Variants in SCAI observed in about 807,000 individuals in gnomAD.
The protein encoded by SCAI is suppressor of cancer cell invasion, also known as protein SCAI.
A neutral mutation model predicts 92.2 loss-of-function variants in SCAI; 24 were observed. The ratio of observed to expected loss-of-function variants is 0.26; its 90% CI spans 0.19 to 0.37. The LOEUF (loss-of-function observed/expected upper bound fraction) is 0.37. SCAI is among the 10% of genes least tolerant of loss of function. The pLI, the probability that SCAI is intolerant of heterozygous loss-of-function variation, is 1.00. For synonymous variants in SCAI, 261 were observed against 258.6 expected (o/e 1.01, Z -0.09); for missense variants, 450 against 736.2 (o/e 0.61, Z 4.50).
In SCAI at chr9:125,010,207, G is replaced by A. The variant is rs1045444253; in HGVS notation, c.862-6637C>T. Among the ~76,000 whole-genome samples, 9 of 152,324 alleles carry A rather than the reference G, an allele frequency of 5.9e-5. No individual in the cohort carries two copies. In the East Asian group the frequency reaches 1.2e-3, roughly 20 times the overall value. ...GGACAGTGGGTGCAGCGCACCGTGC[G>A]CGAGCCGAAGCAGGGCAAGGCATTG... On this transcript the variant is annotated intron_variant, in intron 9 of 17. Coordinates refer to ENST00000336505, the MANE Select transcript of SCAI (RefSeq NM_001144877.3).
intron 2 of SCAI, among the ~76,000 whole-genome samples, chr9:125,141,589 T>C (rs1485643840): frequency 6.6e-6 from 1 of 152,248 alleles, no homozygotes; most frequent in Admixed American, 6.5e-5. Context: ...GCTTCTATTT[T>C]CCTAAGGTTC....
intron 14 of SCAI, among the ~76,000 whole-genome samples, chr9:124,978,100 AG>A (rs779267365): frequency 3.3e-5 from 5 of 152,200 alleles, no homozygotes; most frequent in Non-Finnish European, 7.3e-5. Flanking sequence ...AATGAACTGA[AG>A]AAAATATCTG....
intron 3 of SCAI, among the ~76,000 whole-genome samples, chr9:125,037,425 AAAGAAAAGAAAG>A (rs1833222278): frequency 6.6e-6 from 1 of 152,042 alleles, no homozygotes. Context: ...AAAAAAAAGA[AAAGAAAAGAAAG>A]AAGAAAAAAA....
chr9:125,007,720 C>T (rs926868005), intron 9 of SCAI, among the ~76,000 whole-genome samples: 6 of 151,788 alleles, frequency 4.0e-5, no homozygotes, highest in African/African-American at 1.5e-4. Context: ...GTGTGTGGCA[C>T]AATCATGGCT....
At chr9:125,044,229 TG>T (rs1167036615) in intron 3 of SCAI, among the ~76,000 whole-genome samples, 2 of 152,100 alleles carry the variant, frequency 1.3e-5, no homozygotes, top group Admixed American at 1.3e-4. Flanking sequence ...CAGTTCTGGT[TG>T]AAGTCCATGG....
At chr9:125,056,810 C>G (rs901690162) in intron 2 of SCAI, among the ~76,000 whole-genome samples, 6 of 152,152 alleles carry the variant, frequency 3.9e-5, no homozygotes, top group African/African-American at 1.4e-4. Context: ...GCACTCTACC[C>G]AATCACTAAC....
chr9:125,051,855 G>C (rs888131359), intron 3 of SCAI, among the ~76,000 whole-genome samples: 1 of 152,144 alleles, frequency 6.6e-6, no homozygotes, highest in Non-Finnish European at 1.5e-5. Flanking sequence ...GATCACTTGA[G>C]GTTAGGAGTT....
intron 2 of SCAI, among the ~76,000 whole-genome samples, chr9:125,117,632 C>T (rs992656723): frequency 7.1e-6 from 1 of 141,622 alleles, no homozygotes; most frequent in Admixed American, 7.5e-5. Flanking sequence ...CACCACTGCA[C>T]TCCAGTCTGG....
At chr9:125,098,221 A>T (rs1307493835) in intron 2 of SCAI, among the ~76,000 whole-genome samples, 1 of 150,924 alleles carries the variant, frequency 6.6e-6, no homozygotes, top group African/African-American at 2.4e-5. Flanking sequence ...CACCTGGATA[A>T]TTTTTTTTTA....
At chr9:125,048,911 A>T (rs927875350) in intron 3 of SCAI, among the ~76,000 whole-genome samples, 1 of 151,670 alleles carries the variant, frequency 6.6e-6, no homozygotes, top group Non-Finnish European at 1.5e-5. Flanking sequence ...ACGCCCGGCT[A>T]ATTTTGTATT....
intron 2 of SCAI, among the ~76,000 whole-genome samples, chr9:125,082,521 T>C (rs1834242143): frequency 6.6e-6 from 1 of 152,116 alleles, no homozygotes; most frequent in African/African-American, 2.4e-5. Context: ...CCCAGAATGG[T>C]AGATACACTG....
intron 6 of SCAI, among the ~76,000 whole-genome samples, chr9:125,025,738 C>T (rs1377400590): frequency 6.6e-6 from 1 of 152,134 alleles, no homozygotes; most frequent in Admixed American, 6.5e-5. Context: ...GCCATGCAAA[C>T]GCCCCTAGAC....
Position 124,954,800 on chromosome 9 carries a change from A to G in SCAI, c.1675-1847T>C, listed in dbSNP as rs1831288981. ...CTCCCTCAGCCCTGGATAACCACGCATGTGCTTCTGGTATCAAAAAATTTG... is the reference window on the plus strand; with the variant it reads ...CTCCCTCAGCCCTGGATAACCACGCGTGTGCTTCTGGTATCAAAAAATTTG... On this transcript the variant is annotated intron_variant, in intron 17 of 17. Coordinates refer to ENST00000336505, the MANE Select transcript of SCAI (RefSeq NM_001144877.3). Among the ~76,000 whole-genome samples the G allele has an allele frequency of 3.3e-5, 5 of 152,094 alleles. No homozygotes were observed. The South Asian group carries it at 8.3e-4, about 25-fold the overall frequency.
At chr9:125,075,627 C>T (rs956801783) in intron 2 of SCAI, among the ~76,000 whole-genome samples, 1 of 150,154 alleles carries the variant, frequency 6.7e-6, no homozygotes, top group Non-Finnish European at 1.5e-5. Flanking sequence ...AGTACAGTGG[C>T]ACGATCTCCG....
intron 12 of SCAI, among the ~76,000 whole-genome samples, chr9:125,000,283 G>A (rs1235837754): frequency 6.6e-6 from 1 of 152,126 alleles, no homozygotes; most frequent in Non-Finnish European, 1.5e-5. Context: ...TAAAAGGAAT[G>A]GAGATCTGGG....
chr9:124,976,258 G>T, intron 14 of SCAI, 72 bp from the exon 15 acceptor site: 1 of 1,126,538 alleles, frequency 8.9e-7, no homozygotes. Context: ...ATTTTCCAAA[G>T]CATATTTTTA....
intron 2 of SCAI, among the ~76,000 whole-genome samples, chr9:125,059,906 C>T (rs571743374): frequency 5.9e-5 from 9 of 152,278 alleles, no homozygotes; most frequent in South Asian, 4.2e-4. Context: ...ATGATTTACA[C>T]GCTATTCCCC....
At chr9:125,121,565 T>C (rs527599878) in intron 2 of SCAI, among the ~76,000 whole-genome samples, 3 of 152,048 alleles carry the variant, frequency 2.0e-5, no homozygotes, top group South Asian at 4.2e-4. Flanking sequence ...AGAGTAAAAA[T>C]CCAGGCTGGA....
chr9:125,125,013 G>A (rs1279089397), intron 2 of SCAI, among the ~76,000 whole-genome samples: 9 of 151,980 alleles, frequency 5.9e-5, no homozygotes. Flanking sequence ...CTGAGGTCAG[G>A]GGTTCCAGAC....
Sources: gnomAD v4.1 joint callset for allele counts (sites outside exome capture counted in the v4.1 genomes callset) on GRCh38, gnomAD v4.1.1 for gene constraint, MANE v1.5 for transcripts, NCBI Gene and HGNC (gene_info 2026-07-23, HGNC 2026-07-21) for gene names.